The following MYOM2 variants were observed in gnomAD, a reference collection of about 807,000 sequenced individuals.
MYOM2 encodes myomesin-2.
A neutral mutation model predicts 187.6 loss-of-function variants in MYOM2; 254 were observed. The ratio of observed to expected loss-of-function variants is 1.35; its 90% CI spans 1.22 to 1.50. The LOEUF (loss-of-function observed/expected upper bound fraction) is 1.50. Among genes scored for constraint, MYOM2 ranks in the 40% most tolerant of loss-of-function variants. MYOM2 has a pLI of 0.00. For missense variants in MYOM2, 2,796 were observed against 1,924.0 expected, an observed-to-expected ratio of 1.45 and a Z score of -8.48; for synonymous variants, 981 against 753.8, an observed-to-expected ratio of 1.30 and a Z score of -4.94.
chr8:2,136,089 G>C (rs1028648011), intron 32 of MYOM2, among the ~76,000 whole-genome samples: 4 of 152,210 alleles, frequency 2.6e-5, no homozygotes, highest in African/African-American at 7.2e-5. Context: ...GAGTCGTATC[G>C]AGGGAACAGA....
chr8:2,056,002 T>C (rs1818652077), intron 3 of MYOM2, among the ~76,000 whole-genome samples: 1 of 152,210 alleles, frequency 6.6e-6, no homozygotes, highest in Non-Finnish European at 1.5e-5. Flanking sequence ...TTCCTGTCCC[T>C]GCCACTCGGG....
chr8:2,046,429 C>T (rs1466167402), intron 1 of MYOM2, among the ~76,000 whole-genome samples: 1 of 152,166 alleles, frequency 6.6e-6, no homozygotes, highest in East Asian at 1.9e-4. Flanking sequence ...TGGACGCTGT[C>T]AGGAGAGTCA....
chr8:2,096,368 G>C lies in MYOM2; in HGVS notation c.2247G>C (p.Lys749Asn). ...CCATCCTGGGCTACTACCTGGACAA[G>C]CGTGAAGTTCACCATAAAAACTGGC... ...GSPILGYYLD[K>N]REVHHKNWHE... Residue 749 changes from lysine (K) to asparagine (N), a missense_variant, in exon 18 of 37, where the codon AAG becomes AAC. By Grantham distance (94) the Lys-to-Asn change is moderately conservative. Transcript: ENST00000262113. 1 of 1,614,230 alleles carries C rather than the reference G, an allele frequency of 6.2e-7. No individual in the cohort carries two copies. Among genetic ancestry groups the C allele is most frequent in the Non-Finnish European group, 8.5e-7 (1 of 1,180,040 alleles).
At chr8:2,113,136 C>T (rs34053376) in intron 25 of MYOM2, among the ~76,000 whole-genome samples, 20,681 of 152,216 alleles carry the variant, frequency 0.14, 1,812 homozygotes, top group Non-Finnish European at 0.2. Flanking sequence ...ACGAGGAAGC[C>T]GAGGCCGGGC....
chr8:2,097,577 C>T (rs1447904593), intron 18 of MYOM2, among the ~76,000 whole-genome samples: 5 of 152,246 alleles, frequency 3.3e-5, no homozygotes, highest in African/African-American at 7.2e-5. Flanking sequence ...TGCAGTGGCA[C>T]GATCTCGGCT....
At chr8:2,138,496 G>A (rs891150458) in intron 32 of MYOM2, among the ~76,000 whole-genome samples, 4 of 152,228 alleles carry the variant, frequency 2.6e-5, no homozygotes, top group Non-Finnish European at 4.4e-5. Flanking sequence ...CTCTTTCCGG[G>A]GAGGGGCAGA....
At chr8:2,054,425 C>T (rs1278538067) in intron 3 of MYOM2, among the ~76,000 whole-genome samples, 3 of 152,186 alleles carry the variant, frequency 2.0e-5, no homozygotes, top group African/African-American at 7.2e-5. Context: ...ATCTTGCAAG[C>T]CACCTGTCCC....
At position 2,145,257 on chromosome 8, in the gene MYOM2, A is replaced by C. The variant is rs3407; in HGVS notation, c.*276A>C. The C allele has an allele frequency of 0.75, 403,247 of 539,628 alleles. 151,793 individuals are homozygous for C. Among genetic ancestry groups the C allele is most frequent in the African/African-American group, 0.91 (47,186 of 52,138 alleles). The allele number at this position is 539,628 out of a possible 1,614,324, so 33.4% of individuals were successfully genotyped here. On this transcript the variant is annotated 3_prime_UTR_variant, in exon 37 of 37. Transcript: ENST00000262113. ...AGTGGGTTGGCAGACAACACACTAG[A>C]ATTTTCACGGGTGTGGGCACATGGG...
intron 31 of MYOM2, among the ~76,000 whole-genome samples, chr8:2,127,440 C>G (rs1442824052): frequency 6.6e-6 from 1 of 152,226 alleles, no homozygotes; most frequent in Non-Finnish European, 1.5e-5. Context: ...ATGCCCCTCC[C>G]TCCACCTCCA....
chr8:2,078,413 C>T (rs75227934), intron 11 of MYOM2, among the ~76,000 whole-genome samples: 3,754 of 152,118 alleles, frequency 0.025, 77 homozygotes, highest in Non-Finnish European at 0.037. Flanking sequence ...GTTCAGGATG[C>T]GTCTAAAATA....
chr8:2,099,988 C>A (rs1249777094), intron 19 of MYOM2, among the ~76,000 whole-genome samples: 1 of 137,100 alleles, frequency 7.3e-6, no homozygotes, highest in South Asian at 2.6e-4. Context: ...AAATTCCTTC[C>A]TTCCTTCTTT....
At chr8:2,135,787 A>G (rs1218150115) in intron 32 of MYOM2, among the ~76,000 whole-genome samples, 2 of 152,230 alleles carry the variant, frequency 1.3e-5, no homozygotes, top group Non-Finnish European at 2.9e-5. Flanking sequence ...TGTCCAAGTC[A>G]TTGTCTAGGT....
intron 14 of MYOM2, 60 bp from the exon 15 acceptor site, chr8:2,089,948 A>G: frequency 7.2e-6 from 11 of 1,537,494 alleles, no homozygotes; most frequent in Non-Finnish European, 8.9e-6. Context: ...TTCCTCCTCC[A>G]CACGCCTCTG....
intron 32 of MYOM2, among the ~76,000 whole-genome samples, chr8:2,139,966 C>T (rs1423663495): frequency 6.6e-6 from 1 of 152,124 alleles, no homozygotes; most frequent in African/African-American, 2.4e-5. Flanking sequence ...GGGTACTGTT[C>T]AGTGGTGTTA....
At chr8:2,045,642 T>C (rs1818287827) in intron 1 of MYOM2, among the ~76,000 whole-genome samples, 1 of 151,966 alleles carries the variant, frequency 6.6e-6, no homozygotes, top group African/African-American at 2.4e-5. Flanking sequence ...GCCTATATTA[T>C]CCACGGTATG....
intron 6 of MYOM2, among the ~76,000 whole-genome samples, chr8:2,067,415 G>T (rs768579614): frequency 9.9e-5 from 15 of 152,148 alleles, no homozygotes; most frequent in African/African-American, 3.6e-4. Flanking sequence ...TTGGAGTCAC[G>T]TGGACCTTGT....
rs752302527 is a variant in MYOM2, at chr8:2,085,345, A to C, written c.1599A>C (p.Pro533=). The change falls in exon 14 of 37, where the codon CCA becomes CCC. Residue 533 remains proline, a synonymous_variant. Coordinates refer to ENST00000262113, the MANE Select transcript of MYOM2 (RefSeq NM_003970.4). ...SRNYVVLSWE[P]PTPRGKDPLM... ...ACTATGTCGTCCTCAGCTGGGAGCC[A>C]CCCACTCCCCGTGGCAAGGACCCGC... The C allele has an allele frequency of 4.3e-6, 7 of 1,613,824 alleles. No individual in the cohort carries two copies. The highest frequency in any genetic ancestry group is 5.9e-6 in the Non-Finnish European group (7 of 1,179,948).
At chr8:2,070,331 A>G (rs930345033) in intron 8 of MYOM2, among the ~76,000 whole-genome samples, 6 of 152,214 alleles carry the variant, frequency 3.9e-5, no homozygotes, top group Non-Finnish European at 8.8e-5. Context: ...GACCGAAGCA[A>G]CGATGGAGGG....
Position 2,102,846 on chromosome 8 carries a change from G to A in MYOM2, c.2734+65G>A. On this transcript the variant is annotated intron_variant, in intron 21 of 36. Transcript: ENST00000262113. Reference sequence around the variant, plus strand: ...GTGGGGAGAGTGTGCATGTATTATGGATGTATGGATGAGGGTGTGTGGATA... The same window carrying A: ...GTGGGGAGAGTGTGCATGTATTATGAATGTATGGATGAGGGTGTGTGGATA... The A allele has an allele frequency of 2.4e-6, 3 of 1,267,084 alleles. No homozygotes were observed. The Admixed American group carries it at 5.7e-5, about 24-fold the overall frequency. 78.5% of individuals were successfully genotyped at this position (1,267,084 alleles called of 1,614,324 possible).
Sources: gnomAD v4.1 joint callset for allele counts (sites outside exome capture counted in the v4.1 genomes callset) on GRCh38, gnomAD v4.1.1 for gene constraint, MANE v1.5 for transcripts, NCBI Gene and HGNC (gene_info 2026-07-23, HGNC 2026-07-21) for gene names.